The following ZNF568 variants were observed in gnomAD, a reference collection of about 807,000 sequenced individuals.
ZNF568 encodes the protein zinc finger protein 568, also known as p53 inhibitor of SCO2 activation.
A neutral mutation model predicts 18.1 loss-of-function variants in ZNF568; 11 were observed. The ratio of observed to expected loss-of-function variants is 0.61; its 90% confidence interval spans 0.38 to 1.00. The LOEUF (loss-of-function observed/expected upper bound fraction) is 1.00, where lower values mean the gene tolerates loss of function less well. Ranked by LOEUF, ZNF568 falls within the 50% of genes least tolerant of loss-of-function variation. The probability of loss-of-function intolerance (pLI) is 0.01; values close to 1 mark genes in which losing one functional copy is unlikely to be tolerated. For missense variants in ZNF568, 639 were observed against 768.2 expected, an observed-to-expected ratio of 0.83 and a Z score of 1.99; for synonymous variants, 213 against 246.6, an observed-to-expected ratio of 0.86 and a Z score of 1.28.
intron 1 of ZNF568, among the ~76,000 whole-genome samples, chr19:36,917,025 CT>C (rs765002020): frequency 3.3e-5 from 5 of 152,100 alleles, no homozygotes; most frequent in African/African-American, 1.2e-4. Flanking sequence ...TGACTTGCTG[CT>C]TTTATGTATG....
rs761914814 is a variant in ZNF568, at chr19:36,950,112, A to G, written c.959A>G (p.Asn320Ser). ...DCWKAFSQKS[N>S]LIEHERIHTG... ...TGGAAAGCCTTCAGTCAGAAATCAA[A>G]TCTCATTGAACATGAGCGAATTCAC... The change falls in exon 7 of 7, where the codon AAT becomes AGT. Residue 320 changes from asparagine (N) to serine (S), a missense_variant. Physicochemically the swap from Asn to Ser is conservative, Grantham distance 46 (BLOSUM62 1). Transcript: ENST00000333987. 2.5e-6 allele frequency: 4 copies of G among 1,613,878 alleles called. No homozygotes were observed. The highest frequency in any genetic ancestry group is 2.2e-5 in the South Asian group (2 of 91,072).
intron 6 of ZNF568, among the ~76,000 whole-genome samples, chr19:36,960,902 C>T (rs986630963): frequency 1.3e-5 from 2 of 151,962 alleles, no homozygotes; most frequent in Non-Finnish European, 1.5e-5. Context: ...AAGATTTCAG[C>T]TTTTAAAAAT....
exon 5 of ZNF568, chr19:36,996,604 A>G (rs781213370): frequency 1.8e-5 from 28 of 1,535,670 alleles, no homozygotes; most frequent in Middle Eastern, 1.7e-4. Flanking sequence ...TCAACATGAA[A>G]TAATTCATAA....
chr19:36,957,243 T>C (rs2146319710), downstream of ZNF568, among the ~76,000 whole-genome samples: 1 of 145,544 alleles, frequency 6.9e-6, no homozygotes, highest in East Asian at 2.0e-4. Flanking sequence ...TTTTTTTTTT[T>C]TTTTTTTAAA....
chr19:36,931,977 A>T (rs2073693895), intron 4 of ZNF568, among the ~76,000 whole-genome samples: 1 of 152,208 alleles, frequency 6.6e-6, no homozygotes, highest in South Asian at 2.1e-4. Flanking sequence ...ATGTAAATTG[A>T]GTCATATGAT....
chr19:36,962,336 C>CTTTTTTTTTT (rs76251375), intron 6 of ZNF568, among the ~76,000 whole-genome samples: 23 of 43,100 alleles, frequency 5.3e-4, no homozygotes, highest in Non-Finnish European at 6.5e-4. Flanking sequence ...GCTTTTCTTT[C>CTTTTTTTTTT]TTTTTTTTTT....
chr19:36,970,673 T>A (rs1223898863), intron 6 of ZNF568, among the ~76,000 whole-genome samples: 1 of 152,104 alleles, frequency 6.6e-6, no homozygotes, highest in Admixed American at 6.6e-5. Context: ...TAGACAAAAA[T>A]TCATTGGAGA....
chr19:36,984,498 G>A (rs943771122), downstream of ZNF568, among the ~76,000 whole-genome samples: 1 of 151,964 alleles, frequency 6.6e-6, no homozygotes, highest in Non-Finnish European at 1.5e-5. Context: ...TTACATTATT[G>A]TCAGGTATTT....
chr19:36,952,629 T>C lies in ZNF568; in HGVS notation c.*1541T>C. Reference sequence around the variant, plus strand: ...TAGCATTGTCTCTGGAGATTGAATTTGAGGCTGTTGATTAAAAGGAGACTT... The same window carrying C: ...TAGCATTGTCTCTGGAGATTGAATTCGAGGCTGTTGATTAAAAGGAGACTT... On this transcript the variant is annotated 3_prime_UTR_variant, in exon 7 of 7. Transcript: ENST00000333987. 4.7e-6 allele frequency: 1 copy of C among 211,260 alleles called. No homozygotes were observed. The highest frequency in any genetic ancestry group is 2.4e-5 in the African/African-American group (1 of 42,492). 13.1% of individuals were successfully genotyped at this position (211,260 alleles called of 1,614,324 possible).
intron 7 of ZNF568, among the ~76,000 whole-genome samples, chr19:36,977,722 T>C (rs142113502): frequency 7.9e-5 from 12 of 152,292 alleles, no homozygotes; most frequent in Non-Finnish European, 1.5e-4. Context: ...AACCCTTCAT[T>C]GTCTATTTCT....
chr19:36,948,664 T>A (rs1600816460), intron 6 of ZNF568, among the ~76,000 whole-genome samples: 2 of 66,414 alleles, frequency 3.0e-5, no homozygotes, highest in African/African-American at 7.0e-5. Flanking sequence ...GTTGATTTTT[T>A]TTTTTTTTTT....
At chr19:36,935,559 CAAA>C (rs35289380) in intron 4 of ZNF568, among the ~76,000 whole-genome samples, 105 of 127,156 alleles carry the variant, frequency 8.3e-4, no homozygotes, top group Middle Eastern at 4.4e-3. Flanking sequence ...GACTCTGTAT[CAAA>C]AAAAAAAAAA....
Position 36,951,096 on chromosome 19 carries a change from A to C in ZNF568, c.*8A>C. The C allele has an allele frequency of 6.7e-7, 1 of 1,498,014 alleles. No homozygotes were observed. Among genetic ancestry groups the C allele is most frequent in the Non-Finnish European group, 8.9e-7 (1 of 1,126,944 alleles). 92.8% of individuals were successfully genotyped at this position (1,498,014 alleles called of 1,614,324 possible). A position where few individuals can be genotyped will look rare whatever the true frequency, so the allele number is the denominator to read the frequency against. On this transcript the variant is annotated 3_prime_UTR_variant, in exon 7 of 7. Coordinates refer to ENST00000333987, the MANE Select transcript of ZNF568 (RefSeq NM_198539.4). Reference sequence around the variant, plus strand: ...AGACACCAAGTATATTAAATGAAAGAAGGCCTCTTAAATTCAACCCATGTT... The same window carrying C: ...AGACACCAAGTATATTAAATGAAAGCAGGCCTCTTAAATTCAACCCATGTT...
intron 3 of ZNF568, among the ~76,000 whole-genome samples, chr19:36,924,233 G>A (rs1036969324): frequency 6.6e-6 from 1 of 151,550 alleles, no homozygotes. Context: ...TTTTTTTTGA[G>A]GGGGAGACAG....
downstream of ZNF568, chr19:36,997,416 C>T: frequency 3.8e-6 from 6 of 1,586,368 alleles, no homozygotes; most frequent in Non-Finnish European, 5.1e-6. Context: ...TTACTTGTAG[C>T]ACAGAACTTG....
rs1667361 is a variant in ZNF568, at chr19:36,996,251, T to C, written c.230-66T>C. On this transcript the variant is annotated intron_variant, in intron 4 of 4. Transcript: ENST00000433993. ...ACTATTTTTATTTTGTCATTTCTAC[T>C]TTCAGGACTTTTCTTTGTCCTGCAA... The C allele has an allele frequency of 5.1e-3, 6,149 of 1,215,330 alleles. 252 individuals carry two copies. The African/African-American group carries it at 0.083, about 16-fold the overall frequency. The allele number at this position is 1,215,330 out of a possible 1,614,324, so 75.3% of individuals were successfully genotyped here.
At chr19:36,991,867 A>G (rs1225766089) in intron 4 of ZNF568, 1 of 1,547,096 alleles carries the variant, frequency 6.5e-7, no homozygotes, top group South Asian at 1.2e-5. Context: ...ATGAACTGGA[A>G]TGGGGAGGCC....
At chr19:36,935,671 G>A (rs1263421101) in intron 4 of ZNF568, among the ~76,000 whole-genome samples, 1 of 151,748 alleles carries the variant, frequency 6.6e-6, no homozygotes, top group Non-Finnish European at 1.5e-5. Context: ...ACTGTTAGAT[G>A]CATATATAAT....
At chr19:36,981,060 T>C (rs375802011), downstream of ZNF568, among the ~76,000 whole-genome samples, 3 of 152,328 alleles carry the variant, frequency 2.0e-5, no homozygotes, top group African/African-American at 7.2e-5. Context: ...AGGCCAGACC[T>C]CTTTTTGGAG....
Sources: allele counts gnomAD v4.1 joint callset (sites outside exome capture counted in the v4.1 genomes callset), GRCh38; gene constraint gnomAD v4.1.1; transcripts MANE v1.5; gene names NCBI Gene and HGNC (gene_info 2026-07-23, HGNC 2026-07-21).